C10orf71: variants seen among roughly 807,000 people sequenced by gnomAD.
C10orf71 encodes chromosome 10 open reading frame 71.
For synonymous variants in C10orf71, 758 were observed against 726.3 expected (o/e 1.04, Z -0.70); for missense variants, 1,869 against 1,804.5 (o/e 1.04, Z -0.65).
intron 2 of C10orf71, among the ~76,000 whole-genome samples, chr10:49,318,901 A>G (rs917519837): frequency 4.6e-5 from 7 of 152,250 alleles, no homozygotes; most frequent in Non-Finnish European, 8.8e-5. Context: ...GGAGCCAGGC[A>G]GGATCTGGGG....
In C10orf71 at chr10:49,326,002, A is replaced by C. The variant is rs981523572; in HGVS notation, c.3457A>C (p.Thr1153Pro). 6.4e-7 allele frequency: 1 copy of C among 1,551,628 alleles called. No homozygotes were observed. The highest frequency in any genetic ancestry group is 8.7e-7 in the Non-Finnish European group (1 of 1,146,974). ...GGATGTGGCCACCAGCCCAGCAGGC[A>C]CCTCTGGGAGACTTGAGCTTCCTGC... ...LLDVATSPAGTSGRLELPAQL... is the reference protein window; with the variant it reads ...LLDVATSPAGPSGRLELPAQL... Residue 1153 changes from threonine to proline, a missense_variant, in exon 3 of 3, where the codon ACC becomes CCC. Transcript: ENST00000374144.
chr10:49,317,856 A>G (rs1849025548), intron 2 of C10orf71, among the ~76,000 whole-genome samples: 1 of 152,122 alleles, frequency 6.6e-6, no homozygotes, highest in South Asian at 2.1e-4. Context: ...TTTTTTTAAT[A>G]ATTGGAAAAT....
At chr10:49,299,777 C>A (rs1192514580) in intron 1 of C10orf71, among the ~76,000 whole-genome samples, 3 of 152,172 alleles carry the variant, frequency 2.0e-5, no homozygotes, top group African/African-American at 7.2e-5. Context: ...AATGGGTGAC[C>A]CCATGGTCCC....
upstream of C10orf71, among the ~76,000 whole-genome samples, chr10:49,297,145 G>T (rs1848652959): frequency 6.6e-6 from 1 of 152,232 alleles, no homozygotes; most frequent in Non-Finnish European, 1.5e-5. Context: ...CACCTGTGAA[G>T]AATGAAACGT....
chr10:49,325,295 C>T lies in C10orf71; in HGVS notation c.2750C>T (p.Ser917Leu), dbSNP rs866868804. The change falls in exon 3 of 3, where the codon TCG (serine) becomes TTG (leucine). Residue 917 changes from serine (S) to leucine (L), a missense_variant. Physicochemically the swap from Ser to Leu is moderately radical, Grantham distance 145 (BLOSUM62 -2). Transcript: ENST00000374144. ...GAAAACCAGGACATTCTTGGTACAT[C>T]GACACCCACTAACACACGGGGCACA... ...APENQDILGT[S>L]TPTNTRGTRV... The T allele has an allele frequency of 6.4e-6, 10 of 1,551,598 alleles. No individual in the cohort carries two copies. In the African/African-American group the frequency reaches 6.8e-5, roughly 11 times the overall value.
chr10:49,320,527 G>T (rs1849076663), intron 2 of C10orf71, among the ~76,000 whole-genome samples: 2 of 152,202 alleles, frequency 1.3e-5, no homozygotes, highest in South Asian at 4.1e-4. Flanking sequence ...CATGGGATAG[G>T]CCACAAAGAT....
At position 49,324,982 on chromosome 10, in the gene C10orf71, A is replaced by T; in HGVS notation, c.2437A>T (p.Arg813Trp). The T allele has an allele frequency of 2.6e-6, 4 of 1,551,234 alleles. No individual in the cohort carries two copies. The highest frequency in any genetic ancestry group is 3.5e-6 in the Non-Finnish European group (4 of 1,146,672). The change falls in exon 3 of 3, where the codon AGG (arginine) becomes TGG (tryptophan). Residue 813 changes from arginine to tryptophan, a missense_variant. By Grantham distance (101) the Arg-to-Trp change is moderately radical. Coordinates refer to ENST00000374144, the MANE Select transcript of C10orf71 (RefSeq NM_001135196.2). ...GGAAAGTGTGTCTGGAGGAAGAACC[A>T]GGAAGGCATCAGCAGAGGAAGCTAA... ...ERESVSGGRTRKASAEEANFR... is the reference protein window; with the variant it reads ...ERESVSGGRTWKASAEEANFR...
At chr10:49,321,181 A>G (rs1289487191) in intron 2 of C10orf71, among the ~76,000 whole-genome samples, 1 of 152,162 alleles carries the variant, frequency 6.6e-6, no homozygotes, top group Non-Finnish European at 1.5e-5. Flanking sequence ...TTCATCCTGC[A>G]TAACTGAAAC....
At chr10:49,310,911 C>T (rs956762682) in intron 1 of C10orf71, among the ~76,000 whole-genome samples, 11 of 152,026 alleles carry the variant, frequency 7.2e-5, no homozygotes, top group African/African-American at 1.7e-4. Flanking sequence ...CCACATATTG[C>T]GTGGGATACA....
upstream of C10orf71, among the ~76,000 whole-genome samples, chr10:49,298,272 C>G (rs746663949): frequency 6.6e-6 from 1 of 152,068 alleles, no homozygotes; most frequent in East Asian, 1.9e-4. Flanking sequence ...GGACACCCAG[C>G]GGGGGCCAGT....
intron 1 of C10orf71, among the ~76,000 whole-genome samples, chr10:49,300,256 CT>C (rs1346550163): frequency 6.6e-6 from 1 of 152,104 alleles, no homozygotes; most frequent in African/African-American, 2.4e-5. Context: ...GGTCTGTGGT[CT>C]GAGCATCTGG....
In C10orf71 at chr10:49,326,607, G is replaced by A. The variant is rs1355594934; in HGVS notation, c.4062G>A (p.Gln1354=). 2 of 1,550,252 alleles carry A rather than the reference G, an allele frequency of 1.3e-6. No individual in the cohort carries two copies. Among genetic ancestry groups the A allele is most frequent in the South Asian group, 2.4e-5 (2 of 84,030 alleles). ...TALMPLRCSS[Q]LSAPTFLRQG... is the part of the protein sequence containing the mutation. The stretch of plus-strand genomic sequence containing the variant: ...TGATGCCGCTGCGCTGCTCCTCTCA[G>A]CTCTCCGCGCCCACCTTCCTCAGGC... Residue 1354 remains glutamine (Q), a synonymous_variant, in exon 3 of 3, where the codon CAG becomes CAA. Coordinates refer to ENST00000374144, the MANE Select transcript of C10orf71 (RefSeq NM_001135196.2).
chr10:49,307,916 G>A (rs763595570), intron 1 of C10orf71, among the ~76,000 whole-genome samples: 15 of 152,154 alleles, frequency 9.9e-5, no homozygotes, highest in Non-Finnish European at 1.6e-4. Flanking sequence ...TCACCCTCAT[G>A]TCCTGGGTTA....
rs770472899 is a variant in C10orf71, at chr10:49,314,489, G to A, written c.-247-1656G>A. On this transcript the variant is annotated intron_variant, in intron 1 of 2. Transcript: ENST00000374144. ...TCCTTCAAATGGTTCAAAGTGGTAA[G>A]CAAGAGAGTTTTTTCACTGGCATCT... 1.8e-4 allele frequency among the ~76,000 whole-genome samples: 27 copies of A among 152,328 alleles called. No individual in the cohort carries two copies. The Middle Eastern group carries it at 0.01, about 58-fold the overall frequency.
At chr10:49,307,484 C>T (rs1027249717) in intron 1 of C10orf71, among the ~76,000 whole-genome samples, 1 of 152,234 alleles carries the variant, frequency 6.6e-6, no homozygotes, top group Non-Finnish European at 1.5e-5. Flanking sequence ...CCTCCAGAAG[C>T]GGTCAGAAAC....
chr10:49,310,138 C>G (rs923865716), intron 1 of C10orf71, among the ~76,000 whole-genome samples: 8 of 152,204 alleles, frequency 5.3e-5, no homozygotes, highest in African/African-American at 1.4e-4. Context: ...GGGGAGCCCC[C>G]AGCTCTGCAG....
chr10:49,320,162 G>A (rs1849070517), intron 2 of C10orf71, among the ~76,000 whole-genome samples: 1 of 152,180 alleles, frequency 6.6e-6, no homozygotes, highest in Admixed American at 6.5e-5. Flanking sequence ...AAAGGAAAGG[G>A]CTATAACAGA....
intron 2 of C10orf71, among the ~76,000 whole-genome samples, chr10:49,316,636 G>C (rs1041643261): frequency 6.6e-6 from 1 of 152,152 alleles, no homozygotes; most frequent in Non-Finnish European, 1.5e-5. Flanking sequence ...AGGTCTTGTA[G>C]CCTCAAGGTG....
chr10:49,325,969 TC>T lies in C10orf71; in HGVS notation c.3425del (p.Ser1142TyrfsTer22). ...CCTCCGGACCCTCTCTCCAAGAGGT[TC>T]ATTGCTGGATGTGGCCACCAGCCCA... ...EDLRTLSPRG[S>X]LLDVATSPAG... On this transcript the variant is annotated frameshift_variant, in exon 3 of 3. Transcript: ENST00000374144. LOFTEE classifies it low-confidence loss of function (END_TRUNC). The T allele has an allele frequency of 6.4e-7, 1 of 1,551,678 alleles. No homozygotes were observed. Among genetic ancestry groups the T allele is most frequent in the Non-Finnish European group, 8.7e-7 (1 of 1,146,992 alleles).
Sources: allele counts gnomAD v4.1 joint callset (sites outside exome capture counted in the v4.1 genomes callset), GRCh38; gene constraint gnomAD v4.1.1; transcripts MANE v1.5; gene names NCBI Gene and HGNC (gene_info 2026-07-23, HGNC 2026-07-21).